NKAIN3: variants seen among roughly 807,000 people sequenced by gnomAD.
NKAIN3 encodes sodium/potassium transporting ATPase interacting 3, also known as sodium/potassium-transporting ATPase subunit beta-1-interacting protein 3.
A neutral mutation model predicts 30.2 loss-of-function variants in NKAIN3; 25 were observed. That is an observed-to-expected ratio of 0.83 (90% CI 0.60 to 1.16). The LOEUF is 1.16. NKAIN3 is among the 50% of genes most tolerant of loss of function. The pLI, the probability that NKAIN3 is intolerant of heterozygous loss-of-function variation, is 0.00. For missense variants in NKAIN3, 225 were observed against 254.1 expected (o/e 0.89, Z 0.78); for synonymous variants, 91 against 89.6 (o/e 1.02, Z -0.09).
intron 4 of NKAIN3, among the ~76,000 whole-genome samples, chr8:62,887,427 C>T (rs1586312029): frequency 6.6e-6 from 1 of 152,236 alleles, no homozygotes; most frequent in East Asian, 1.9e-4. Flanking sequence ...AGAAACTCTT[C>T]AGTCATTGTT....
At chr8:62,519,445 G>T (rs184062597) in intron 1 of NKAIN3, among the ~76,000 whole-genome samples, 413 of 152,236 alleles carry the variant, frequency 2.7e-3, no homozygotes, top group African/African-American at 8.6e-3. Flanking sequence ...TAGAAGCTCA[G>T]AATCTATGAT....
At chr8:62,776,076 A>G (rs559061212) in intron 4 of NKAIN3, among the ~76,000 whole-genome samples, 9 of 152,166 alleles carry the variant, frequency 5.9e-5, no homozygotes, top group Admixed American at 3.9e-4. Context: ...TGCCTGATAT[A>G]AATATGCCTA....
In NKAIN3 at chr8:62,595,022, G is replaced by T. The variant is rs571190446; in HGVS notation, c.273+5228G>T. On this transcript the variant is annotated intron_variant, in intron 3 of 6. Transcript: ENST00000623646. ...CACTGCCGTGAATATTTTGATTCCA[G>T]TTTATTCTCATTCTGCTGTGTTTCC... Among the ~76,000 whole-genome samples, 15 of 151,990 alleles carry T rather than the reference G, an allele frequency of 9.9e-5. 1 individual carries two copies. The South Asian group carries it at 3.1e-3, about 32-fold the overall frequency.
At chr8:62,531,300 CCTTT>C (rs907611842) in intron 1 of NKAIN3, among the ~76,000 whole-genome samples, 6 of 152,126 alleles carry the variant, frequency 3.9e-5, no homozygotes, top group African/African-American at 7.2e-5. Flanking sequence ...TCTTTCCTTT[CCTTT>C]CTATCTGTTG....
At chr8:62,850,601 A>T (rs1819862964) in intron 4 of NKAIN3, among the ~76,000 whole-genome samples, 1 of 152,118 alleles carries the variant, frequency 6.6e-6, no homozygotes, top group Non-Finnish European at 1.5e-5. Context: ...CTAACATTTA[A>T]GTCTATAATC....
At chr8:62,703,330 T>C (rs35392617) in intron 3 of NKAIN3, among the ~76,000 whole-genome samples, 17,746 of 152,198 alleles carry the variant, frequency 0.12, 1,274 homozygotes, top group East Asian at 0.17. Context: ...AATATTATTA[T>C]CTAATTTAGA....
At chr8:62,577,214 A>AT (rs1427862451) in intron 1 of NKAIN3, among the ~76,000 whole-genome samples, 2 of 151,666 alleles carry the variant, frequency 1.3e-5, no homozygotes, top group Admixed American at 6.6e-5. Context: ...ACCTCAATTC[A>AT]TTTTTTTAAG....
intron 4 of NKAIN3, among the ~76,000 whole-genome samples, chr8:62,839,296 C>A (rs1466666770): frequency 6.7e-6 from 1 of 148,846 alleles, no homozygotes; most frequent in African/African-American, 2.5e-5. Context: ...AGAGGATTTG[C>A]CTACATTAAA....
intron 4 of NKAIN3, among the ~76,000 whole-genome samples, chr8:62,886,171 T>TCACTAAAAAA (rs1821140979): frequency 6.6e-6 from 1 of 152,228 alleles, no homozygotes; most frequent in South Asian, 2.1e-4. Context: ...CTTTTTTTTT[T>TCACTAAAAAA]AGTGATTGCC....
At chr8:62,604,579 A>G (rs1811069662) in intron 3 of NKAIN3, among the ~76,000 whole-genome samples, 1 of 152,148 alleles carries the variant, frequency 6.6e-6, no homozygotes, top group Non-Finnish European at 1.5e-5. Flanking sequence ...ATTCTACTTT[A>G]TTCTTGTAGG....
chr8:62,708,682 CT>C (rs764245851), intron 3 of NKAIN3, among the ~76,000 whole-genome samples: 1 of 152,154 alleles, frequency 6.6e-6, no homozygotes, highest in Non-Finnish European at 1.5e-5. Context: ...GACAGTTTGA[CT>C]TCCTCTTTAC....
intron 3 of NKAIN3, among the ~76,000 whole-genome samples, chr8:62,674,791 C>T (rs1813419976): frequency 6.6e-6 from 1 of 152,160 alleles, no homozygotes; most frequent in African/African-American, 2.4e-5. Context: ...AGGGAAGAGG[C>T]ATTAGGATTG....
intron 1 of NKAIN3, among the ~76,000 whole-genome samples, chr8:62,335,513 G>T (rs956877103): frequency 6.6e-6 from 1 of 151,418 alleles, no homozygotes; most frequent in Non-Finnish European, 1.5e-5. Context: ...TTAAGAAGCC[G>T]CTGGTAAAAT....
chr8:62,485,285 C>T (rs1806863477), intron 1 of NKAIN3, among the ~76,000 whole-genome samples: 1 of 152,136 alleles, frequency 6.6e-6, no homozygotes, highest in South Asian at 2.1e-4. Flanking sequence ...AAGATCCATT[C>T]TCGAGAGGCT....
At chr8:62,470,883 C>T (rs1451837) in intron 1 of NKAIN3, among the ~76,000 whole-genome samples, 104,216 of 149,276 alleles carry the variant, frequency 0.7, 36,039 homozygotes, top group East Asian at 0.72. Flanking sequence ...TCTTATTGAT[C>T]CATTTTAACT....
At chr8:62,441,638 T>G (rs990902048) in intron 1 of NKAIN3, among the ~76,000 whole-genome samples, 3 of 152,018 alleles carry the variant, frequency 2.0e-5, no homozygotes, top group Non-Finnish European at 2.9e-5. Context: ...CTTATAATTT[T>G]TAAGAATGTG....
At chr8:62,568,335 T>TA (rs1809820511) in intron 1 of NKAIN3, among the ~76,000 whole-genome samples, 1 of 152,208 alleles carries the variant, frequency 6.6e-6, no homozygotes, top group Non-Finnish European at 1.5e-5. Context: ...AGGGATAGCA[T>TA]CAGATTAGAT....
chr8:62,847,808 T>C (rs1819737958), intron 4 of NKAIN3, among the ~76,000 whole-genome samples: 2 of 152,202 alleles, frequency 1.3e-5, no homozygotes, highest in Non-Finnish European at 2.9e-5. Context: ...TTTTATAGTT[T>C]TGGGGATTAC....
intron 4 of NKAIN3, among the ~76,000 whole-genome samples, chr8:62,761,072 T>A (rs898463826): frequency 3.3e-5 from 5 of 152,238 alleles, no homozygotes; most frequent in African/African-American, 4.8e-5. Flanking sequence ...AAGGATTTTT[T>A]AAAATTTTTT....
Sources: gnomAD v4.1 joint callset for allele counts (sites outside exome capture counted in the v4.1 genomes callset) on GRCh38, gnomAD v4.1.1 for gene constraint, MANE v1.5 for transcripts, NCBI Gene and HGNC (gene_info 2026-07-23, HGNC 2026-07-21) for gene names.